TTC7A: variants seen among roughly 807,000 people sequenced by gnomAD.
The protein encoded by TTC7A is tetratricopeptide repeat protein 7A.
A neutral mutation model predicts 103.7 loss-of-function variants in TTC7A; 110 were observed. That is an observed-to-expected ratio of 1.06 (90% CI 0.91 to 1.24). The LOEUF (loss-of-function observed/expected upper bound fraction) is 1.24. TTC7A is among the 50% of genes most tolerant of loss of function. The pLI is 0.00. For missense variants in TTC7A, 1,340 were observed against 1,116.3 expected, an observed-to-expected ratio of 1.20 and a Z score of -2.86; for synonymous variants, 521 against 467.9, an observed-to-expected ratio of 1.11 and a Z score of -1.47.
At chr2:47,047,317 CAG>C in intron 16 of TTC7A, 4 of 1,548,792 alleles carry the variant, frequency 2.6e-6, no homozygotes, top group Non-Finnish European at 3.5e-6. Flanking sequence ...ACATCTGTAA[CAG>C]TGAAATTTAC....
chr2:46,961,446 A>T (rs970189663), intron 3 of TTC7A, among the ~76,000 whole-genome samples: 2 of 151,936 alleles, frequency 1.3e-5, no homozygotes, highest in African/African-American at 2.4e-5. Context: ...GTCTGGTGGC[A>T]GGTGCCTGTA....
intron 15 of TTC7A, among the ~76,000 whole-genome samples, chr2:47,042,466 C>T (rs1358926806): frequency 6.6e-6 from 1 of 151,966 alleles, no homozygotes; most frequent in Non-Finnish European, 1.5e-5. Context: ...CACGTCACTG[C>T]ACTCTGCCTG....
chr2:46,919,874 G>C (rs979238245), intron 2 of TTC7A, among the ~76,000 whole-genome samples: 1 of 152,260 alleles, frequency 6.6e-6, no homozygotes, highest in East Asian at 1.9e-4. Context: ...CATTGGATGA[G>C]GGTGACCTCA....
Position 47,060,942 on chromosome 2 carries a change from C to A in TTC7A, c.2326C>A (p.Pro776Thr), listed in dbSNP as rs1362438975. ...GTACAAGGAGGCGCTCACGGTGAAC[C>A]CAGATGGCGTGCGCATCATGCATAG... ...QLYKEALTVN[P>T]DGVRIMHSLG... is the part of the protein sequence containing the mutation. Residue 776 changes from proline (P) to threonine (T), a missense_variant, in exon 19 of 20, where the codon CCA (proline) becomes ACA (threonine). Coordinates refer to ENST00000319190, the MANE Select transcript of TTC7A (RefSeq NM_020458.4). 2 of 1,613,682 alleles carry A rather than the reference C, an allele frequency of 1.2e-6. No homozygotes were observed. Among genetic ancestry groups the A allele is most frequent in the African/African-American group, 1.3e-5 (1 of 74,902 alleles).
intron 19 of TTC7A, among the ~76,000 whole-genome samples, chr2:47,072,477 A>G (rs1252743068): frequency 6.6e-6 from 1 of 152,218 alleles, no homozygotes; most frequent in Admixed American, 6.5e-5. Flanking sequence ...CGAGGACTTG[A>G]TGAAACCAGG....
exon 2 of TTC7A, chr2:46,917,224 G>C (rs1291545710): frequency 2.9e-6 from 2 of 697,162 alleles, no homozygotes; most frequent in East Asian, 5.5e-5. Flanking sequence ...CGAACTCCTG[G>C]GTTCAAGCAA....
chr2:47,000,014 T>C (rs927509438), intron 8 of TTC7A: 1 of 579,932 alleles, frequency 1.7e-6, no homozygotes, highest in African/African-American at 2.0e-5. Context: ...TGGTTGAGCT[T>C]CTTACCACCC....
chr2:47,003,678 A>T (rs1334525763), intron 8 of TTC7A, among the ~76,000 whole-genome samples: 1 of 152,124 alleles, frequency 6.6e-6, no homozygotes, highest in Non-Finnish European at 1.5e-5. Context: ...ACCCGCTCCC[A>T]TCATAACCTC....
intron 3 of TTC7A, among the ~76,000 whole-genome samples, chr2:46,973,589 C>T (rs1258775272): frequency 3.3e-5 from 5 of 152,160 alleles, no homozygotes; most frequent in Admixed American, 1.3e-4. Flanking sequence ...AAACAAATGG[C>T]GTGCTTCCAA....
At chr2:46,924,206 T>TAA (rs34177384) in intron 2 of TTC7A, among the ~76,000 whole-genome samples, 11 of 128,754 alleles carry the variant, frequency 8.5e-5, no homozygotes, top group South Asian at 2.5e-4. Context: ...CCTGTCTCTT[T>TAA]AAAAAAAAAA....
intron 17 of TTC7A, chr2:47,050,959 G>GTTT (rs2104728033): frequency 6.6e-6 from 1 of 152,302 alleles, no homozygotes; most frequent in Non-Finnish European, 1.5e-5. Flanking sequence ...GAGAGAGAAA[G>GTTT]TGCTCACATT....
At chr2:47,029,124 T>G in intron 14 of TTC7A, 100 bp from the exon 15 acceptor site, 1 of 1,426,878 alleles carries the variant, frequency 7.0e-7, no homozygotes, top group Non-Finnish European at 9.6e-7. Context: ...TGGGGCTCCC[T>G]TGAGTTGAGT....
intron 15 of TTC7A, among the ~76,000 whole-genome samples, chr2:47,039,982 G>C (rs1016095203): frequency 6.6e-6 from 1 of 152,226 alleles, no homozygotes; most frequent in Non-Finnish European, 1.5e-5. Context: ...GGCTGACTCT[G>C]TTAGGTCACC....
chr2:46,966,327 C>T (rs994614649), intron 3 of TTC7A, among the ~76,000 whole-genome samples: 4 of 152,152 alleles, frequency 2.6e-5, no homozygotes, highest in African/African-American at 9.7e-5. Flanking sequence ...TTATTAGTAA[C>T]TCTATTTTGT....
rs560502910 is a variant in TTC7A at position 47,036,647 on chromosome 2, A to G, written c.1802+7263A>G. Among the ~76,000 whole-genome samples, 20 of 152,258 alleles carry G rather than the reference A, an allele frequency of 1.3e-4. No individual in the cohort carries two copies. The South Asian group carries it at 3.9e-3, about 30-fold the overall frequency. On this transcript the variant is annotated intron_variant, in intron 15 of 19. Transcript: ENST00000319190. ...CAAGGCAGGAAGATCACTCGAGGCT[A>G]GGAGTTTGAGAACAGCCCTGGTAAC...
intron 14 of TTC7A, 126 bp downstream of exon 14, chr2:47,024,485 G>A (rs1254618340): frequency 4.9e-6 from 4 of 818,044 alleles, no homozygotes; most frequent in Non-Finnish European, 7.6e-6. Flanking sequence ...TTCCTTATCT[G>A]TCATGTAAGT....
At chr2:46,996,555 G>T (rs1372167197) in intron 8 of TTC7A, among the ~76,000 whole-genome samples, 1 of 152,202 alleles carries the variant, frequency 6.6e-6, no homozygotes, top group Non-Finnish European at 1.5e-5. Context: ...GGCCTGTGGG[G>T]CAGAGGGATT....
At chr2:47,032,905 TATAGAG>T (rs1382552625) in intron 15 of TTC7A, among the ~76,000 whole-genome samples, 2 of 151,108 alleles carry the variant, frequency 1.3e-5, no homozygotes, top group Non-Finnish European at 1.5e-5. Flanking sequence ...ATATACCATT[TATAGAG>T]ATATAATACT....
intron 11 of TTC7A, among the ~76,000 whole-genome samples, chr2:47,011,782 G>C (rs1201741451): frequency 6.6e-6 from 1 of 152,260 alleles, no homozygotes. Context: ...TGAGGCTTCA[G>C]ATGACCTTAG....
Sources: gnomAD v4.1 joint callset for allele counts (sites outside exome capture counted in the v4.1 genomes callset) on GRCh38, gnomAD v4.1.1 for gene constraint, MANE v1.5 for transcripts, NCBI Gene and HGNC (gene_info 2026-07-23, HGNC 2026-07-21) for gene names.